HSD17B2: variants seen among roughly 807,000 people sequenced by gnomAD.
HSD17B2 encodes hydroxysteroid 17-beta dehydrogenase 2, also known as 17-beta-hydroxysteroid dehydrogenase type 2.
HSD17B2 carries 32 observed loss-of-function variants against 26.9 expected under a neutral mutation model. That is an observed-to-expected ratio of 1.19 (90% confidence interval 0.90 to 1.60). The LOEUF (loss-of-function observed/expected upper bound fraction) is 1.60. Ranked by LOEUF, HSD17B2 falls within the 40% of genes most tolerant of loss-of-function variation. The pLI is 0.00. For missense variants in HSD17B2, 613 were observed against 468.6 expected (o/e 1.31, Z -2.85); for synonymous variants, 246 against 186.7 (o/e 1.32, Z -2.59).
At chr16:82,059,308 G>C (rs1208752335) in intron 1 of HSD17B2, among the ~76,000 whole-genome samples, 17 of 152,212 alleles carry the variant, frequency 1.1e-4, no homozygotes, top group Admixed American at 1.1e-3. Flanking sequence ...GGCCTCAATA[G>C]TAGTCTGTGT....
intron 3 of HSD17B2, among the ~76,000 whole-genome samples, chr16:82,085,316 A>C (rs1345728392): frequency 1.3e-5 from 2 of 152,058 alleles, no homozygotes; most frequent in African/African-American, 4.8e-5. Flanking sequence ...GACAAGGGGG[A>C]AAGTGGGTAG....
chr16:82,066,658 T>C (rs527488958), intron 1 of HSD17B2, among the ~76,000 whole-genome samples: 5 of 152,336 alleles, frequency 3.3e-5, no homozygotes, highest in Middle Eastern at 3.4e-3. Context: ...TATTTTATTT[T>C]ATTTTTTTAC....
chr16:82,037,465 G>T (rs1913653495), intron 1 of HSD17B2, among the ~76,000 whole-genome samples: 1 of 152,146 alleles, frequency 6.6e-6, no homozygotes, highest in African/African-American at 2.4e-5. Context: ...ACATAGATTA[G>T]CACGCATTGT....
At chr16:82,060,635 T>G (rs1439455772) in intron 1 of HSD17B2, among the ~76,000 whole-genome samples, 2 of 152,252 alleles carry the variant, frequency 1.3e-5, no homozygotes, top group African/African-American at 4.8e-5. Flanking sequence ...TACTGATAGA[T>G]AGCAGATCTT....
intron 3 of HSD17B2, among the ~76,000 whole-genome samples, chr16:82,090,430 C>T (rs370637538): frequency 9.6e-4 from 135 of 140,438 alleles, no homozygotes; most frequent in African/African-American, 2.4e-3. Flanking sequence ...GCGATTCTTA[C>T]GTCTCAGCCT....
intron 3 of HSD17B2, among the ~76,000 whole-genome samples, chr16:82,083,268 G>C (rs1416991684): frequency 6.6e-6 from 1 of 152,094 alleles, no homozygotes; most frequent in Non-Finnish European, 1.5e-5. Flanking sequence ...TCCCTCCGGT[G>C]TCCTTCCCTC....
chr16:82,054,672 C>G (rs1309781291), intron 1 of HSD17B2, among the ~76,000 whole-genome samples: 1 of 152,178 alleles, frequency 6.6e-6, no homozygotes, highest in Non-Finnish European at 1.5e-5. Flanking sequence ...TACCACTTAG[C>G]CATTTCCACC....
At chr16:82,062,607 C>T (rs551375330) in intron 1 of HSD17B2, among the ~76,000 whole-genome samples, 70 of 152,368 alleles carry the variant, frequency 4.6e-4, no homozygotes, top group African/African-American at 1.6e-3. Context: ...CTTAATCCTT[C>T]TGTGCCTCAG....
At chr16:82,080,003 C>G (rs1904337980) in intron 3 of HSD17B2, among the ~76,000 whole-genome samples, 1 of 152,156 alleles carries the variant, frequency 6.6e-6, no homozygotes, top group Non-Finnish European at 1.5e-5. Context: ...GTTGCCCTGA[C>G]CCACCAGATT....
chr16:82,038,585 G>C (rs1567575326), intron 1 of HSD17B2, among the ~76,000 whole-genome samples: 3 of 152,164 alleles, frequency 2.0e-5, no homozygotes, highest in African/African-American at 7.2e-5. Flanking sequence ...AATGAACAAA[G>C]AGCAGACCAA....
At chr16:82,081,014 C>T (rs957535258) in intron 3 of HSD17B2, among the ~76,000 whole-genome samples, 22 of 151,992 alleles carry the variant, frequency 1.4e-4, no homozygotes, top group African/African-American at 4.8e-4. Context: ...ACTTCCCCCT[C>T]CCTGTCCTTT....
intron 1 of HSD17B2, among the ~76,000 whole-genome samples, chr16:82,041,874 C>T (rs1478730413): frequency 6.6e-6 from 1 of 152,128 alleles, no homozygotes; most frequent in African/African-American, 2.4e-5. Flanking sequence ...GTTTTGTATA[C>T]CTGACATTCT....
chr16:82,079,949 G>A (rs1904336603), intron 3 of HSD17B2, among the ~76,000 whole-genome samples: 1 of 152,182 alleles, frequency 6.6e-6, no homozygotes, highest in African/African-American at 2.4e-5. Context: ...CATGGAGGGA[G>A]AGAAGCAGTC....
intron 1 of HSD17B2, among the ~76,000 whole-genome samples, chr16:82,039,343 GAGA>G (rs1913707215): frequency 6.6e-6 from 1 of 151,712 alleles, no homozygotes; most frequent in Non-Finnish European, 1.5e-5. Context: ...GAGAGAGAGA[GAGA>G]GAGAGGGAGA....
intron 1 of HSD17B2, among the ~76,000 whole-genome samples, chr16:82,041,659 G>A (rs1311960848): frequency 6.6e-6 from 1 of 152,162 alleles, no homozygotes; most frequent in Non-Finnish European, 1.5e-5. Context: ...TTCTTTTCAT[G>A]GCCTCGTTAG....
At position 82,098,064 on chromosome 16, in the gene HSD17B2, T is replaced by C; in HGVS notation, c.803-11T>C. ...CCCAGGATCTGACTCTTCCCTTTCC[T>C]TTCACCCCAGATATCGCAGGCACCA... On this transcript the variant is annotated splice_polypyrimidine_tract_variant and intron_variant, in intron 4 of 4. Coordinates refer to ENST00000199936, the MANE Select transcript of HSD17B2 (RefSeq NM_002153.3). The C allele has an allele frequency of 6.2e-7, 1 of 1,601,278 alleles. No homozygotes were observed. Among genetic ancestry groups the C allele is most frequent in the East Asian group, 2.2e-5 (1 of 44,794 alleles).
rs145618031 is a variant in HSD17B2, at chr16:82,043,773, C to T, written c.265+8084C>T. ...TTTCCCAACACCTGAACACCATTTT[C>T]AGGATCATCCCATTTCATCCACTGG... On this transcript the variant is annotated intron_variant, in intron 1 of 4. Transcript: ENST00000199936. Among the ~76,000 whole-genome samples, 324 of 148,982 alleles carry T rather than the reference C, an allele frequency of 2.2e-3. 3 individuals carry two copies. Among genetic ancestry groups the T allele is most frequent in the African/African-American group, 7.2e-3 (294 of 40,954 alleles).
chr16:82,040,691 G>A (rs1356282076), intron 1 of HSD17B2, among the ~76,000 whole-genome samples: 1 of 152,206 alleles, frequency 6.6e-6, no homozygotes, highest in Non-Finnish European at 1.5e-5. Context: ...AGATGCTTAT[G>A]AGGGATGATG....
chr16:82,089,543 G>T (rs1006309924), intron 3 of HSD17B2, among the ~76,000 whole-genome samples: 3 of 152,150 alleles, frequency 2.0e-5, no homozygotes, highest in Non-Finnish European at 4.4e-5. Flanking sequence ...TTCATATTCT[G>T]GGGCTGCTGT....
Sources: allele counts gnomAD v4.1 joint callset (sites outside exome capture counted in the v4.1 genomes callset), GRCh38; gene constraint gnomAD v4.1.1; transcripts MANE v1.5; gene names NCBI Gene and HGNC (gene_info 2026-07-23, HGNC 2026-07-21).